Variants in CGGBP1 observed in about 807,000 individuals in gnomAD.
CGGBP1 encodes the protein CGG triplet repeat binding protein 1, also known as CGG triplet repeat-binding protein 1.
In CGGBP1, 4 loss-of-function variants were observed where a neutral mutation model predicts 11.4. The ratio of observed to expected loss-of-function variants is 0.35; its 90% CI spans 0.17 to 0.80. The LOEUF (loss-of-function observed/expected upper bound fraction) is 0.80, where lower values mean the gene tolerates loss of function less well. Ranked by LOEUF, CGGBP1 falls within the 30% of genes least tolerant of loss-of-function variation. The pLI is 0.52. For synonymous variants in CGGBP1, 76 were observed against 74.1 expected (o/e 1.03, Z -0.13); for missense variants, 135 against 202.1 (o/e 0.67, Z 2.01).
chr3:88,105,261 C>T (rs1169917498), intron 2 of CGGBP1, among the ~76,000 whole-genome samples: 1 of 143,942 alleles, frequency 6.9e-6, no homozygotes, highest in Non-Finnish European at 1.5e-5. Flanking sequence ...TTTAGATAAA[C>T]AGATACATAC....
intron 1 of CGGBP1, chr3:88,143,415 T>C (rs1030243094): frequency 1.3e-5 from 2 of 152,252 alleles, no homozygotes; most frequent in African/African-American, 4.8e-5. Context: ...CTAAAAAAAA[T>C]GTTTCCTGTA....
chr3:88,129,321 T>TAAAAAAAAA (rs11370327), intron 2 of CGGBP1, among the ~76,000 whole-genome samples: 1 of 76,930 alleles, frequency 1.3e-5, no homozygotes, highest in Non-Finnish European at 2.4e-5. Context: ...TTGCCAGGAG[T>TAAAAAAAAA]AAAAAAAAAA....
At chr3:88,075,709 T>G (rs1470779232) in intron 2 of CGGBP1, among the ~76,000 whole-genome samples, 1 of 152,228 alleles carries the variant, frequency 6.6e-6, no homozygotes, top group Admixed American at 6.5e-5. Flanking sequence ...TTTTTGTGTT[T>G]GTTTACATTT....
At chr3:88,129,602 T>G in intron 2 of CGGBP1, 1 of 1,081,810 alleles carries the variant, frequency 9.2e-7, no homozygotes. Context: ...TCTAAGCAAT[T>G]TCTCTTGAAT....
chr3:88,109,288 A>G (rs1704944628), intron 2 of CGGBP1, among the ~76,000 whole-genome samples: 1 of 152,080 alleles, frequency 6.6e-6, no homozygotes, highest in Non-Finnish European at 1.5e-5. Context: ...GTTACCCACA[A>G]TCAAATGCTC....
At chr3:88,072,511 C>G (rs1206820435) in intron 2 of CGGBP1, among the ~76,000 whole-genome samples, 2 of 152,128 alleles carry the variant, frequency 1.3e-5, no homozygotes, top group Non-Finnish European at 2.9e-5. Flanking sequence ...TTGTACATAT[C>G]TGCTTCTTGG....
intron 2 of CGGBP1, among the ~76,000 whole-genome samples, chr3:88,106,911 A>G (rs964486872): frequency 2.6e-5 from 4 of 152,146 alleles, no homozygotes; most frequent in South Asian, 2.1e-4. Context: ...ATCGTATACT[A>G]AATTTTCACA....
At chr3:88,096,288 G>A (rs1704052578) in intron 2 of CGGBP1, among the ~76,000 whole-genome samples, 2 of 152,068 alleles carry the variant, frequency 1.3e-5, no homozygotes, top group Admixed American at 1.3e-4. Flanking sequence ...TCTAGAAATG[G>A]AGGGACAAAG....
At chr3:88,096,567 A>AT (rs533852768) in intron 2 of CGGBP1, among the ~76,000 whole-genome samples, 1 of 152,126 alleles carries the variant, frequency 6.6e-6, no homozygotes, top group South Asian at 2.1e-4. Flanking sequence ...TAGATTGGCA[A>AT]TTTTTTTCTT....
At chr3:88,127,894 A>G (rs990640681) in intron 2 of CGGBP1, among the ~76,000 whole-genome samples, 4 of 152,232 alleles carry the variant, frequency 2.6e-5, no homozygotes, top group Non-Finnish European at 4.4e-5. Context: ...TGCATTAACA[A>G]TACAAATCAG....
chr3:88,114,906 G>C (rs1056845323), intron 2 of CGGBP1, among the ~76,000 whole-genome samples: 24 of 152,176 alleles, frequency 1.6e-4, no homozygotes, highest in African/African-American at 5.5e-4. Flanking sequence ...ATAGTGATAA[G>C]TGACTAATTC....
chr3:88,074,584 C>T (rs886535402), intron 2 of CGGBP1, among the ~76,000 whole-genome samples: 13 of 152,000 alleles, frequency 8.6e-5, no homozygotes, highest in Non-Finnish European at 1.8e-4. Flanking sequence ...TCAAGTGATC[C>T]GCCTGCCTCG....
At position 88,149,059 on chromosome 3, in the gene CGGBP1, T is replaced by C. The variant is rs570577795; in HGVS notation, c.-338+652A>G. Among the ~76,000 whole-genome samples, 42 of 152,292 alleles carry C rather than the reference T, an allele frequency of 2.8e-4. 1 individual carries two copies. The South Asian group carries it at 8.5e-3, about 31-fold the overall frequency. ...ACTGATCAAAAATAGGACTTAAAAA[T>C]GGAAAAAGGCAAGTGACAATGCATT... On this transcript the variant is annotated intron_variant, in intron 1 of 3. Transcript: ENST00000462901.
At chr3:88,065,838 GCAC>G in intron 2 of CGGBP1, among the ~76,000 whole-genome samples, 1 of 152,048 alleles carries the variant, frequency 6.6e-6, no homozygotes, top group Non-Finnish European at 1.5e-5. Flanking sequence ...GCGCTTCTCA[GCAC>G]CCATCAGCCC....
intron 2 of CGGBP1, among the ~76,000 whole-genome samples, chr3:88,129,311 T>C (rs1706299261): frequency 7.3e-6 from 1 of 137,494 alleles, no homozygotes; most frequent in African/African-American, 2.7e-5. Context: ...AGCTCACAGC[T>C]TGCCAGGAGT....
chr3:88,054,286 G>C lies in CGGBP1; in HGVS notation c.*1187C>G, dbSNP rs1244432625. Reference sequence around the variant, plus strand: ...TTTGGGTCTCTGATAGAACTTAGCTGGGCTAAGCTACTTGGATAACCTTAC... The same window carrying C: ...TTTGGGTCTCTGATAGAACTTAGCTCGGCTAAGCTACTTGGATAACCTTAC... On this transcript the variant is annotated 3_prime_UTR_variant, in exon 4 of 4. Transcript: ENST00000482016. 6.6e-6 allele frequency: 1 copy of C among 152,400 alleles called. No homozygotes were observed. 9.4% of individuals were successfully genotyped at this position (152,400 alleles called of 1,614,324 possible). A position where few individuals can be genotyped will look rare whatever the true frequency, so the allele number is the denominator to read the frequency against.
intron 1 of CGGBP1, chr3:88,141,174 C>A: frequency 9.1e-7 from 1 of 1,096,412 alleles, no homozygotes. Context: ...AGCATTACTC[C>A]ATACATTATT....
intron 2 of CGGBP1, among the ~76,000 whole-genome samples, chr3:88,090,591 A>G (rs1708581220): frequency 6.6e-6 from 1 of 150,686 alleles, no homozygotes. Flanking sequence ...TAAGTGCGGT[A>G]TAGCCTACAT....
intron 2 of CGGBP1, among the ~76,000 whole-genome samples, chr3:88,130,124 A>G (rs1706359092): frequency 6.6e-6 from 1 of 152,192 alleles, no homozygotes; most frequent in Non-Finnish European, 1.5e-5. Context: ...CTAGTAGAAT[A>G]TATGAAGCAG....
Sources: allele counts gnomAD v4.1 joint callset (sites outside exome capture counted in the v4.1 genomes callset), GRCh38; gene constraint gnomAD v4.1.1; transcripts MANE v1.5; gene names NCBI Gene and HGNC (gene_info 2026-07-23, HGNC 2026-07-21).